The following MME variants were observed in gnomAD, a reference collection of about 807,000 sequenced individuals.
The protein encoded by MME is membrane metalloendopeptidase.
A neutral mutation model predicts 113.2 loss-of-function variants in MME; 98 were observed. The ratio of observed to expected loss-of-function variants is 0.87; its 90% CI spans 0.74 to 1.02. The LOEUF (loss-of-function observed/expected upper bound fraction) is 1.02, where lower values mean the gene tolerates loss of function less well. Among genes scored for constraint, MME ranks in the 50% least tolerant of loss-of-function variants. The pLI is 0.00. For missense variants in MME, 836 were observed against 896.0 expected (o/e 0.93, Z 0.86); for synonymous variants, 292 against 300.6 (o/e 0.97, Z 0.30).
intron 1 of MME, among the ~76,000 whole-genome samples, chr3:155,042,585 G>A (rs1030043695): frequency 2.6e-5 from 4 of 151,948 alleles, no homozygotes; most frequent in African/African-American, 9.7e-5. Context: ...AACTTGCTAA[G>A]TTACCTTTCA....
intron 16 of MME, among the ~76,000 whole-genome samples, chr3:155,159,592 T>C (rs1248556633): frequency 6.6e-6 from 1 of 152,002 alleles, no homozygotes; most frequent in Admixed American, 6.6e-5. Context: ...CCTATCCTCA[T>C]CCCTCAAATT....
intron 1 of MME, among the ~76,000 whole-genome samples, chr3:155,036,299 AC>A (rs1431456760): frequency 6.6e-6 from 1 of 152,204 alleles, no homozygotes; most frequent in East Asian, 1.9e-4. Context: ...AATAAAATAC[AC>A]CAATTTAAAA....
intron 3 of MME, among the ~76,000 whole-genome samples, chr3:155,109,097 T>C (rs1056933250): frequency 1.3e-5 from 2 of 152,160 alleles, no homozygotes; most frequent in Admixed American, 1.3e-4. Flanking sequence ...TCAACAAAAA[T>C]GTTTCTTGGC....
intron 8 of MME, among the ~76,000 whole-genome samples, chr3:155,133,058 A>ATATATATAT (rs1399456952): frequency 1.2e-5 from 1 of 84,234 alleles, no homozygotes; most frequent in Non-Finnish European, 2.8e-5. Flanking sequence ...AAAAAAAAAA[A>ATATATATAT]AAAAATATAT....
At chr3:155,078,114 C>T (rs1559901629), upstream of MME, among the ~76,000 whole-genome samples, 1 of 151,722 alleles carries the variant, frequency 6.6e-6, no homozygotes, top group Non-Finnish European at 1.5e-5. Context: ...TGGTGCGTGC[C>T]TGTATTTCCA....
intron 8 of MME, among the ~76,000 whole-genome samples, chr3:155,133,699 A>C (rs1263982519): frequency 7.2e-6 from 1 of 138,366 alleles, no homozygotes; most frequent in Non-Finnish European, 1.5e-5. Flanking sequence ...CCATACATAT[A>C]TAGTGTGTGT....
chr3:155,028,821 A>T (rs1712871070), intron 1 of MME, among the ~76,000 whole-genome samples: 1 of 152,134 alleles, frequency 6.6e-6, no homozygotes, highest in African/African-American at 2.4e-5. Flanking sequence ...CCTCTCTTGG[A>T]CTTCTAGGGG....
At chr3:155,051,659 C>T (rs1282509116) in intron 1 of MME, among the ~76,000 whole-genome samples, 3 of 152,162 alleles carry the variant, frequency 2.0e-5, no homozygotes, top group Non-Finnish European at 4.4e-5. Flanking sequence ...ATTTAATTAC[C>T]TCCCATAGGG....
intron 1 of MME, among the ~76,000 whole-genome samples, chr3:155,034,365 G>A (rs548606907): frequency 1.6e-4 from 24 of 152,156 alleles, no homozygotes; most frequent in African/African-American, 5.5e-4. Context: ...GAGATTCCCT[G>A]GCAATAATAA....
chr3:155,060,829 C>CAGAGAGAGAG (rs138935329), intron 1 of MME, among the ~76,000 whole-genome samples: 58 of 137,750 alleles, frequency 4.2e-4, no homozygotes, highest in African/African-American at 1.5e-3. Flanking sequence ...TGCAGAGAGG[C>CAGAGAGAGAG]AGAGAGAGAG....
chr3:155,116,921 A>G lies in MME; in HGVS notation c.589A>G (p.Lys197Glu), dbSNP rs746423553. ...TGCACAACTGAATTCTAAATATGGGAAAAAAGTCCTTATTAATTTGTTTGT... is the reference window on the plus strand; with the variant it reads ...TGCACAACTGAATTCTAAATATGGGGAAAAAGTCCTTATTAATTTGTTTGT... ...AIAQLNSKYG[K>E]KVLINLFVGT... is the part of the protein sequence containing the mutation. The change falls in exon 7 of 23, where the codon AAA becomes GAA. Residue 197 changes from lysine to glutamate, a missense_variant. Coordinates refer to ENST00000360490, the MANE Select transcript of MME (RefSeq NM_007289.4). 7.4e-5 allele frequency: 120 copies of G among 1,612,160 alleles called. No individual in the cohort carries two copies. The highest frequency in any genetic ancestry group is 9.6e-5 in the Non-Finnish European group (113 of 1,178,632).
chr3:155,133,056 A>AC (rs1466261014), intron 8 of MME, among the ~76,000 whole-genome samples: 1 of 85,324 alleles, frequency 1.2e-5, no homozygotes, highest in Non-Finnish European at 2.7e-5. Context: ...AAAAAAAAAA[A>AC]AAAAAAATAT....
chr3:155,135,330 GT>G (rs1720538672), intron 8 of MME, among the ~76,000 whole-genome samples: 1 of 152,092 alleles, frequency 6.6e-6, no homozygotes, highest in South Asian at 2.1e-4. Flanking sequence ...AAAGTTAGGG[GT>G]CCCATTTTAT....
At chr3:155,079,792 A>T (rs1343686801), upstream of MME, 1 of 152,474 alleles carries the variant, frequency 6.6e-6, no homozygotes, top group Non-Finnish European at 1.5e-5. Context: ...AGGGATGCCC[A>T]GGTGCCTCGT....
intron 3 of MME, among the ~76,000 whole-genome samples, chr3:155,088,079 G>T (rs919873946): frequency 2.6e-5 from 4 of 152,096 alleles, no homozygotes; most frequent in Admixed American, 2.6e-4. Context: ...TCTTCATTCT[G>T]CTCTGTTGGT....
At chr3:155,134,405 C>G (rs981603386) in intron 8 of MME, among the ~76,000 whole-genome samples, 4 of 152,126 alleles carry the variant, frequency 2.6e-5, no homozygotes, top group Admixed American at 1.3e-4. Flanking sequence ...GTTTTCTCTT[C>G]CTGCATTAAT....
intron 17 of MME, among the ~76,000 whole-genome samples, chr3:155,165,991 G>T (rs1168069808): frequency 6.6e-6 from 1 of 152,168 alleles, no homozygotes; most frequent in Non-Finnish European, 1.5e-5. Flanking sequence ...GCAGATGTCA[G>T]AGTAGACATA....
At chr3:155,037,071 A>G (rs1559888278) in intron 1 of MME, among the ~76,000 whole-genome samples, 1 of 152,194 alleles carries the variant, frequency 6.6e-6, no homozygotes, top group Non-Finnish European at 1.5e-5. Context: ...TATTCTGCTG[A>G]AGTCATCTAT....
chr3:155,163,974 T>C (rs2108357577), intron 17 of MME, among the ~76,000 whole-genome samples: 1 of 152,012 alleles, frequency 6.6e-6, no homozygotes, highest in Admixed American at 6.6e-5. Flanking sequence ...AAACCCCATC[T>C]CTACCAAAAA....
Sources: allele counts gnomAD v4.1 joint callset (sites outside exome capture counted in the v4.1 genomes callset), GRCh38; gene constraint gnomAD v4.1.1; transcripts MANE v1.5; gene names NCBI Gene and HGNC (gene_info 2026-07-23, HGNC 2026-07-21).